TMEM178B: variants seen among roughly 807,000 people sequenced by gnomAD.
The protein encoded by TMEM178B is transmembrane protein 178B.
Under a neutral mutation model 31.0 loss-of-function variants are expected in TMEM178B, and 5 were observed. The ratio of observed to expected loss-of-function variants is 0.16; its 90% CI spans 0.08 to 0.34. TMEM178B has a LOEUF of 0.34. Ranked by LOEUF, TMEM178B falls within the 10% of genes least tolerant of loss-of-function variation. The probability of loss-of-function intolerance (pLI) is 1.00; values close to 1 mark genes in which losing one functional copy is unlikely to be tolerated. For synonymous variants in TMEM178B, 164 were observed against 164.0 expected, an observed-to-expected ratio of 1.00 and a Z score of 0.00; for missense variants, 275 against 400.3, an observed-to-expected ratio of 0.69 and a Z score of 2.67.
intron 2 of TMEM178B, among the ~76,000 whole-genome samples, chr7:141,224,529 C>G (rs549156580): frequency 1.3e-5 from 2 of 152,340 alleles, no homozygotes; most frequent in South Asian, 4.1e-4. Flanking sequence ...AGCCCTTGGG[C>G]TCTCAGCAGC....
At chr7:141,142,809 C>G (rs1341249958) in intron 1 of TMEM178B, among the ~76,000 whole-genome samples, 1 of 152,246 alleles carries the variant, frequency 6.6e-6, no homozygotes, top group Non-Finnish European at 1.5e-5. Context: ...TTGCTTTCCA[C>G]AGTGGCTGAA....
chr7:141,193,986 AC>A (rs1451703666), intron 1 of TMEM178B, among the ~76,000 whole-genome samples: 7 of 152,074 alleles, frequency 4.6e-5, no homozygotes, highest in Non-Finnish European at 8.8e-5. Flanking sequence ...CCCCTGATAA[AC>A]CCATCAGATC....
intron 2 of TMEM178B, among the ~76,000 whole-genome samples, chr7:141,224,840 C>T (rs1228165941): frequency 6.6e-6 from 1 of 152,182 alleles, no homozygotes; most frequent in Non-Finnish European, 1.5e-5. Flanking sequence ...CCTTCAAAGT[C>T]TCCTGAATGA....
At chr7:141,215,310 A>G (rs1158012317) in intron 2 of TMEM178B, among the ~76,000 whole-genome samples, 1 of 125,144 alleles carries the variant, frequency 8.0e-6, no homozygotes, top group African/African-American at 2.6e-5. Flanking sequence ...TAGATTGGTT[A>G]TCATCTTTAT....
intron 2 of TMEM178B, among the ~76,000 whole-genome samples, chr7:141,285,154 C>CTTTTTTTT (rs1030685003): frequency 2.1e-3 from 112 of 52,820 alleles, no homozygotes; most frequent in South Asian, 2.7e-3. Context: ...ATTCTTGTTT[C>CTTTTTTTT]TTTTTTTTTT....
intron 2 of TMEM178B, among the ~76,000 whole-genome samples, chr7:141,337,412 C>G (rs1799443945): frequency 6.6e-6 from 1 of 151,746 alleles, no homozygotes; most frequent in Non-Finnish European, 1.5e-5. Context: ...CAGCAAGAAA[C>G]TCTTATTGGG....
intron 2 of TMEM178B, among the ~76,000 whole-genome samples, chr7:141,230,046 A>T (rs1168752571): frequency 1.3e-5 from 2 of 152,234 alleles, no homozygotes; most frequent in East Asian, 3.8e-4. Flanking sequence ...CTTCATAAAC[A>T]TAATTTTAAT....
intron 3 of TMEM178B, among the ~76,000 whole-genome samples, chr7:141,451,594 A>G (rs1181770): frequency 0.75 from 114,787 of 152,058 alleles, 43,530 homozygotes; most frequent in South Asian, 0.84. Context: ...TGACCTGGTA[A>G]GGTAAGAGAC....
chr7:141,447,023 G>C (rs766397505), intron 3 of TMEM178B, among the ~76,000 whole-genome samples: 1 of 151,898 alleles, frequency 6.6e-6, no homozygotes, highest in Non-Finnish European at 1.5e-5. Flanking sequence ...CTGATCACCC[G>C]TACTCATTCA....
chr7:141,469,951 T>C (rs2116729759), intron 3 of TMEM178B, among the ~76,000 whole-genome samples: 1 of 152,328 alleles, frequency 6.6e-6, no homozygotes, highest in Admixed American at 6.5e-5. Context: ...GCCTCCCACT[T>C]TGTAAAGGAT....
At chr7:141,346,155 A>G (rs1221776566) in intron 2 of TMEM178B, among the ~76,000 whole-genome samples, 5 of 151,852 alleles carry the variant, frequency 3.3e-5, no homozygotes, top group African/African-American at 1.2e-4. Context: ...CAGGAAGTGG[A>G]GCTTGCAGTG....
At chr7:141,143,780 G>A (rs905240818) in intron 1 of TMEM178B, among the ~76,000 whole-genome samples, 2 of 151,422 alleles carry the variant, frequency 1.3e-5, no homozygotes, top group Admixed American at 6.6e-5. Flanking sequence ...GATAGGAATA[G>A]CATTAAATCT....
chr7:141,432,146 C>CTTTTTTTTTTTTTTTTTTTTTTTTTTT (rs71170797), intron 2 of TMEM178B, among the ~76,000 whole-genome samples: 2 of 79,082 alleles, frequency 2.5e-5, no homozygotes, highest in African/African-American at 1.0e-4. Flanking sequence ...TTCACTGCAT[C>CTTTTTTTTTTTTTTTTTTTTTTTTTTT]TTTTTTTTTT....
chr7:141,300,792 T>G (rs1403745082), intron 2 of TMEM178B, among the ~76,000 whole-genome samples: 1 of 152,196 alleles, frequency 6.6e-6, no homozygotes, highest in Non-Finnish European at 1.5e-5. Context: ...CCACTACTTC[T>G]TCCCGTTGCC....
intron 2 of TMEM178B, among the ~76,000 whole-genome samples, chr7:141,220,305 C>A (rs890487183): frequency 1.4e-4 from 21 of 146,026 alleles, no homozygotes; most frequent in African/African-American, 5.0e-4. Context: ...AGTGAAACTC[C>A]ATCTCAAATA....
intron 2 of TMEM178B, among the ~76,000 whole-genome samples, chr7:141,248,148 C>T (rs1293130884): frequency 3.3e-5 from 5 of 151,956 alleles, no homozygotes; most frequent in African/African-American, 1.2e-4. Context: ...CAGTAGCTCA[C>T]GCCTGCAATC....
At chr7:141,445,347 T>C (rs1421075864) in intron 3 of TMEM178B, among the ~76,000 whole-genome samples, 2 of 152,204 alleles carry the variant, frequency 1.3e-5, no homozygotes, top group African/African-American at 4.8e-5. Flanking sequence ...TCCAAGGCAA[T>C]GGCCATCTTG....
chr7:141,221,753 AGCAGGAAGGTG>A (rs1197785205), intron 2 of TMEM178B, among the ~76,000 whole-genome samples: 3 of 152,206 alleles, frequency 2.0e-5, no homozygotes, highest in African/African-American at 7.2e-5. Flanking sequence ...TGGGGAGGGC[AGCAGGAAGGTG>A]GCTGGGAGCA....
At chr7:141,234,430 G>A (rs1302812213) in intron 2 of TMEM178B, among the ~76,000 whole-genome samples, 1 of 152,144 alleles carries the variant, frequency 6.6e-6, no homozygotes, top group Non-Finnish European at 1.5e-5. Context: ...TGGAAATGAG[G>A]AGGCCAGAGG....
Sources: gnomAD v4.1 joint callset for allele counts (sites outside exome capture counted in the v4.1 genomes callset) on GRCh38, gnomAD v4.1.1 for gene constraint, MANE v1.5 for transcripts, NCBI Gene and HGNC (gene_info 2026-07-23, HGNC 2026-07-21) for gene names.